The following MUC4 variants were observed in gnomAD, a reference collection of about 807,000 sequenced individuals.
MUC4 encodes the protein mucin-4.
In MUC4, 202 loss-of-function variants were observed where a neutral mutation model predicts 257.9. The ratio of observed to expected loss-of-function variants is 0.78; its 90% CI spans 0.70 to 0.88. The LOEUF is 0.88. Ranked by LOEUF, MUC4 falls within the 40% of genes least tolerant of loss-of-function variation. The pLI is 0.00. For synonymous variants in MUC4, 2,351 were observed against 2,757.1 expected (o/e 0.85, Z 4.62); for missense variants, 5,976 against 6,513.7 (o/e 0.92, Z 2.84).
At chr3:195,773,732 CCTCT>C (rs1350410292) in intron 4 of MUC4, among the ~76,000 whole-genome samples, 1 of 149,130 alleles carries the variant, frequency 6.7e-6, no homozygotes, top group African/African-American at 2.5e-5. Flanking sequence ...GTGTGGACAC[CCTCT>C]CTCTATCGCT....
rs1317074113 is a variant in MUC4, at chr3:195,787,059, G to C, written c.4521C>G (p.Val1507=). The change falls in exon 2 of 25, where the codon GTC becomes GTG. Residue 1507 remains valine, a synonymous_variant. Coordinates refer to ENST00000463781, the MANE Select transcript of MUC4 (RefSeq NM_018406.7). ...CTGTGGATGCTGAGGAAGGGCTGGT[G>C]ACATGAAGAGGAGTGACGTGACCTG... ...ASTGHVTPLH[V]TSPSSASTGH... 7.1e-7 allele frequency: 1 copy of C among 1,413,694 alleles called. No homozygotes were observed. The highest frequency in any genetic ancestry group is 9.6e-7 in the Non-Finnish European group (1 of 1,045,688). 87.6% of individuals were successfully genotyped at this position (1,413,694 alleles called of 1,614,324 possible). A position where few individuals can be genotyped will look rare whatever the true frequency, so the allele number is the denominator to read the frequency against.
chr3:195,767,686 G>C (rs1336242433), intron 7 of MUC4, among the ~76,000 whole-genome samples: 10 of 980 alleles, frequency 0.01, 1 homozygote, highest in Admixed American at 0.034. Flanking sequence ...CACCATCACT[G>C]GCCACCCCCC....
intron 1 of MUC4, among the ~76,000 whole-genome samples, chr3:195,800,336 CTTTA>C (rs1354093865): frequency 6.6e-5 from 10 of 152,044 alleles, no homozygotes; most frequent in African/African-American, 2.2e-4. Flanking sequence ...CCTTTTAAAT[CTTTA>C]TTTAGAGAAC....
chr3:195,762,059 C>G (rs199552700), intron 14 of MUC4, 28 bp downstream of exon 14: 1 of 1,566,408 alleles, frequency 6.4e-7, no homozygotes, highest in South Asian at 1.2e-5. Context: ...TCCGCGGAGC[C>G]TCAGAGGCAG....
chr3:195,773,629 G>T (rs1361819558), intron 4 of MUC4, among the ~76,000 whole-genome samples: 2 of 124,858 alleles, frequency 1.6e-5, no homozygotes, highest in Non-Finnish European at 3.6e-5. Flanking sequence ...CGCTCAGCAG[G>T]TGTGGACACC....
rs13060431 is a variant in MUC4 at position 195,788,530 on chromosome 3, A to T, written c.3050T>A (p.Val1017Glu). Residue 1017 changes from valine to glutamate, a missense_variant, in exon 2 of 25, where the codon GTA becomes GAA. Transcript: ENST00000463781. ...AAGAGGGGTGGTGTGACCTGTGGAT[A>T]CTGAGGAAGGGCTGGTGACAGGAAG... ...TPLPVTSPSSVSTGHTTPLPV... is the reference protein window; with the variant it reads ...TPLPVTSPSSESTGHTTPLPV... The T allele has an allele frequency of 3.7e-4, 372 of 996,710 alleles. No homozygotes were observed. The highest frequency in any genetic ancestry group is 3.6e-3 in the African/African-American group (87 of 24,424). The allele number at this position is 996,710 out of a possible 1,614,324, so 61.7% of individuals were successfully genotyped here. A position where few individuals can be genotyped will look rare whatever the true frequency, so the allele number is the denominator to read the frequency against.
intron 1 of MUC4, among the ~76,000 whole-genome samples, chr3:195,801,611 C>T (rs1461782839): frequency 6.6e-6 from 1 of 152,128 alleles, no homozygotes; most frequent in Non-Finnish European, 1.5e-5. Context: ...AGCATGAAAG[C>T]CGGGCTTCCC....
intron 7 of MUC4, among the ~76,000 whole-genome samples, chr3:195,767,814 TCACCACCACCACCACCATCAC>T (rs751547095): frequency 0.11 from 4,472 of 42,398 alleles, 170 homozygotes; most frequent in Middle Eastern, 0.19. Flanking sequence ...ATCACCACCA[TCACCACCACCACCACCATCAC>T]CACCACCACC....
chr3:195,762,094 C>A lies in MUC4; in HGVS notation c.14505G>T (p.Gly4835=), dbSNP rs1334912865. The change falls in exon 14 of 25, where the codon GGG becomes GGT. Residue 4835 remains glycine, a synonymous_variant. Coordinates refer to ENST00000463781, the MANE Select transcript of MUC4 (RefSeq NM_018406.7). ...LPPEYQNRTE[G]LLGVWNNNPE... is the part of the protein sequence containing the mutation. ...GGTCCGAGCCGCCCTCACCCAGGAG[C>A]CCCTCCGTGCGGTTCTGGTACTCGG... 5 of 1,597,158 alleles carry A rather than the reference C, an allele frequency of 3.1e-6. No individual in the cohort carries two copies. The highest frequency in any genetic ancestry group is 1.7e-5 in the Admixed American group (1 of 58,796).
chr3:195,773,804 T>A (rs903242810), intron 4 of MUC4, among the ~76,000 whole-genome samples: 1 of 152,232 alleles, frequency 6.6e-6, no homozygotes, highest in African/African-American at 2.4e-5. Context: ...GTGTTCGGAC[T>A]CAGCCTCCTC....
chr3:195,756,778 G>A (rs867303591), intron 18 of MUC4, among the ~76,000 whole-genome samples: 5 of 151,712 alleles, frequency 3.3e-5, no homozygotes, highest in Non-Finnish European at 7.4e-5. Flanking sequence ...TTTTCCTGCC[G>A]CAGCCTCCCG....
At position 195,753,145 on chromosome 3, in the gene MUC4, A is replaced by T. The variant is rs1267581023; in HGVS notation, c.15414T>A (p.Thr5138=). The T allele has an allele frequency of 6.2e-7, 1 of 1,613,198 alleles. No homozygotes were observed. Among genetic ancestry groups the T allele is most frequent in the African/African-American group, 1.3e-5 (1 of 75,006 alleles). ...AGGTGCACATGGGCTGACAGCCCAG[A>T]GTCTGGGAGATGTAGCAGTGGCCTT... The part of the protein sequence containing the change: ...YNQGHCYISQ[T]LGCQPMCTCP... The change falls in exon 20 of 25, where the codon ACT becomes ACA. Residue 5138 remains threonine, a synonymous_variant. Coordinates refer to ENST00000463781, the MANE Select transcript of MUC4 (RefSeq NM_018406.7).
In MUC4 at chr3:195,778,898, T is replaced by C. The variant is rs955958041; in HGVS notation, c.12682A>G (p.Thr4228Ala). ...CCTGTGGATACTGAGGAAAGGCTGG[T>C]GACAGGAAGAGGGGTGGCGTGACCT... ...STGHATPLPV[T>A]SLSSVSTGHA... The change falls in exon 2 of 25, where the codon ACC becomes GCC. Residue 4228 changes from threonine to alanine, a missense_variant. Physicochemically the swap from Thr to Ala is moderately conservative, Grantham distance 58 (BLOSUM62 0). Around this residue, in one of 44 missense-constraint regions of MUC4, gnomAD observed 22 missense variants for 64.1 expected, o/e 0.34. Coordinates refer to ENST00000463781, the MANE Select transcript of MUC4 (RefSeq NM_018406.7). 1.3e-6 allele frequency: 2 copies of C among 1,570,864 alleles called. No homozygotes were observed. Among genetic ancestry groups the C allele is most frequent in the Non-Finnish European group, 1.7e-6 (2 of 1,158,866 alleles).
At chr3:195,766,061 A>G (rs1720403816) in intron 8 of MUC4, among the ~76,000 whole-genome samples, 1 of 152,106 alleles carries the variant, frequency 6.6e-6, no homozygotes, top group South Asian at 2.1e-4. Context: ...CCCAGGTTCA[A>G]ACAATTCTCC....
In MUC4 at chr3:195,789,763, G is replaced by A. The variant is rs771566604; in HGVS notation, c.1817C>T (p.Thr606Ile). ...PSSSPMLDRHTSQQITTAPST... is the reference protein window; with the variant it reads ...PSSSPMLDRHISQQITTAPST... ...TGGTGCCGTTGTAATTTGTTGGGAT[G>A]TGTGTCTATCCAGCATAGGTGAAGA... is the stretch of plus-strand genomic sequence containing the variant. Residue 606 changes from threonine to isoleucine, a missense_variant, in exon 2 of 25, where the codon ACA becomes ATA. Thr to Ile is a moderately conservative substitution (Grantham distance 89). Around this residue, in one of 44 missense-constraint regions of MUC4, gnomAD observed 1,583 missense variants for 1,257.4 expected, o/e 1.26. Coordinates refer to ENST00000463781, the MANE Select transcript of MUC4 (RefSeq NM_018406.7). 1.1e-5 allele frequency: 17 copies of A among 1,613,892 alleles called. No homozygotes were observed. In the Admixed American group the frequency reaches 2.7e-4, roughly 25 times the overall value.
intron 7 of MUC4, among the ~76,000 whole-genome samples, chr3:195,768,703 C>T (rs944482688): frequency 2.0e-5 from 3 of 152,208 alleles, no homozygotes; most frequent in Non-Finnish European, 4.4e-5. Flanking sequence ...TGTCATCAGT[C>T]TTGGCTGTTA....
At chr3:195,752,943 G>A in intron 20 of MUC4, 108 bp downstream of exon 20, 2 of 1,020,144 alleles carry the variant, frequency 2.0e-6, no homozygotes, top group South Asian at 1.7e-5. Flanking sequence ...GCTCTGTCCT[G>A]TGACCCCAGA....
At chr3:195,796,909 A>G (rs1246763103) in intron 1 of MUC4, among the ~76,000 whole-genome samples, 1 of 152,122 alleles carries the variant, frequency 6.6e-6, no homozygotes, top group Admixed American at 6.5e-5. Context: ...AGTCCCAGTA[A>G]TAATACATGG....
chr3:195,767,424 TACCATC>T (rs377256431), intron 7 of MUC4, among the ~76,000 whole-genome samples: 13 of 69,318 alleles, frequency 1.9e-4, no homozygotes, highest in South Asian at 9.9e-4. Context: ...CCACCAACAC[TACCATC>T]ACCATCACCA....
Sources: allele counts gnomAD v4.1 joint callset (sites outside exome capture counted in the v4.1 genomes callset), GRCh38; gene constraint gnomAD v4.1.1; regional missense constraint gnomAD v4.1.1; transcripts MANE v1.5; gene names NCBI Gene and HGNC (gene_info 2026-07-23, HGNC 2026-07-21).